Variants in LRP1B observed in about 807,000 individuals in gnomAD.
LRP1B encodes low-density lipoprotein receptor-related protein 1B.
In LRP1B, 217 loss-of-function variants were observed where a neutral mutation model predicts 556.6. That is an observed-to-expected ratio of 0.39 (90% CI 0.35 to 0.44). The LOEUF is 0.44. Among genes scored for constraint, LRP1B ranks in the 20% least tolerant of loss-of-function variants. The pLI is 1.00. For missense variants in LRP1B, 5,053 were observed against 5,620.8 expected, an observed-to-expected ratio of 0.90 and a Z score of 3.23; for synonymous variants, 2,047 against 1,865.8, an observed-to-expected ratio of 1.10 and a Z score of -2.50.
At chr2:141,488,211 G>T (rs1011422584) in intron 2 of LRP1B, among the ~76,000 whole-genome samples, 2 of 151,700 alleles carry the variant, frequency 1.3e-5, no homozygotes, top group African/African-American at 2.4e-5. Context: ...TTACAATATT[G>T]GGTAGCATAA....
chr2:141,857,321 C>G (rs1356143410), intron 1 of LRP1B, among the ~76,000 whole-genome samples: 2 of 151,844 alleles, frequency 1.3e-5, no homozygotes, highest in African/African-American at 4.8e-5. Context: ...TTCCTCCACT[C>G]TTTTCCCTCT....
At chr2:141,771,543 G>A (rs1459807453) in intron 2 of LRP1B, among the ~76,000 whole-genome samples, 7 of 152,086 alleles carry the variant, frequency 4.6e-5, no homozygotes, top group Non-Finnish European at 2.9e-5. Context: ...AAACAATCTG[G>A]AAATATAAAC....
chr2:140,545,551 C>A (rs922041115), intron 43 of LRP1B, among the ~76,000 whole-genome samples: 1 of 152,136 alleles, frequency 6.6e-6, no homozygotes, highest in Non-Finnish European at 1.5e-5. Flanking sequence ...GTCCTTTCCC[C>A]TTTGCTTGTT....
At chr2:140,859,166 T>C (rs1692711282) in intron 27 of LRP1B, among the ~76,000 whole-genome samples, 1 of 152,068 alleles carries the variant, frequency 6.6e-6, no homozygotes, top group African/African-American at 2.4e-5. Flanking sequence ...TTAAGCAACC[T>C]GCAAGTATTT....
chr2:140,522,731 A>G (rs1427561317), intron 49 of LRP1B, among the ~76,000 whole-genome samples: 1 of 151,966 alleles, frequency 6.6e-6, no homozygotes, highest in Non-Finnish European at 1.5e-5. Flanking sequence ...GACAAAGGCA[A>G]CATAACAACT....
intron 3 of LRP1B, among the ~76,000 whole-genome samples, chr2:141,367,836 A>T (rs1689100127): frequency 6.6e-6 from 1 of 152,126 alleles, no homozygotes; most frequent in East Asian, 1.9e-4. Context: ...TTCATTAAAT[A>T]TAAATATGAA....
At chr2:140,319,121 TTTTGGACACATAA>T (rs1684660856) in intron 82 of LRP1B, among the ~76,000 whole-genome samples, 1 of 152,014 alleles carries the variant, frequency 6.6e-6, no homozygotes, top group South Asian at 2.1e-4. Context: ...TAGAGTTTAG[TTTTGGACACATAA>T]TTTGGACCAA....
rs145016679 is a variant in LRP1B, at chr2:141,358,137, G to T, written c.344-103496C>A. Among the ~76,000 whole-genome samples the T allele has an allele frequency of 2.6e-3, 389 of 152,258 alleles. 1 individual carries two copies. The highest frequency in any genetic ancestry group is 8.9e-3 in the African/African-American group (369 of 41,538). On this transcript the variant is annotated intron_variant, in intron 3 of 90. Coordinates refer to ENST00000389484, the MANE Select transcript of LRP1B (RefSeq NM_018557.3). ...AAATGAATATTAAGTTAGAGAAATG[G>T]CAAATAAATTTATCTCCTACTCCAA...
intron 41 of LRP1B, among the ~76,000 whole-genome samples, chr2:140,662,404 T>C (rs1398763250): frequency 2.6e-5 from 4 of 152,058 alleles, no homozygotes; most frequent in Non-Finnish European, 5.9e-5. Context: ...AGTCTTCCTT[T>C]GGATGGAAGA....
intron 18 of LRP1B, 71 bp from the exon 19 acceptor site, chr2:140,952,011 G>T: frequency 9.2e-7 from 1 of 1,088,732 alleles, no homozygotes. Context: ...CGTATCATCT[G>T]ATAATGTGAT....
chr2:140,336,913 G>A (rs1291692914), intron 77 of LRP1B, among the ~76,000 whole-genome samples: 1 of 151,796 alleles, frequency 6.6e-6, no homozygotes, highest in East Asian at 1.9e-4. Flanking sequence ...GGGTATTATG[G>A]CAAGAGTAGA....
At chr2:140,944,117 G>A (rs1695476776) in intron 20 of LRP1B, among the ~76,000 whole-genome samples, 1 of 152,008 alleles carries the variant, frequency 6.6e-6, no homozygotes, top group African/African-American at 2.4e-5. Context: ...AAATGCAAAA[G>A]ACTCTCAGGG....
At chr2:141,241,032 A>C (rs1683850674) in intron 5 of LRP1B, among the ~76,000 whole-genome samples, 1 of 152,268 alleles carries the variant, frequency 6.6e-6, no homozygotes. Context: ...GCATAAAAAC[A>C]AAAACCAAAA....
intron 3 of LRP1B, among the ~76,000 whole-genome samples, chr2:141,416,781 C>T (rs1193108778): frequency 1.3e-5 from 2 of 152,066 alleles, no homozygotes; most frequent in African/African-American, 4.8e-5. Flanking sequence ...TTAAACAGTG[C>T]TCTGTGGAAT....
chr2:141,477,963 CAA>C (rs58642133), intron 3 of LRP1B, among the ~76,000 whole-genome samples: 148 of 147,258 alleles, frequency 1.0e-3, no homozygotes, highest in Admixed American at 2.1e-3. Context: ...CTCCTACTGG[CAA>C]AAAAAAAAAA....
At chr2:140,767,578 CAA>C (rs1461159699) in intron 35 of LRP1B, among the ~76,000 whole-genome samples, 1 of 151,600 alleles carries the variant, frequency 6.6e-6, no homozygotes, top group Non-Finnish European at 1.5e-5. Context: ...CCTTAAAAAG[CAA>C]AAGATTTCCT....
chr2:141,650,317 A>T (rs562575244), intron 2 of LRP1B, among the ~76,000 whole-genome samples: 1 of 152,286 alleles, frequency 6.6e-6, no homozygotes, highest in Admixed American at 6.5e-5. Context: ...CTTCTTTGTG[A>T]GTATGGTTTT....
intron 1 of LRP1B, among the ~76,000 whole-genome samples, chr2:141,888,930 T>C (rs1452866158): frequency 1.3e-5 from 2 of 152,258 alleles, no homozygotes; most frequent in East Asian, 3.9e-4. Flanking sequence ...TTCAGGGAGC[T>C]GGGGAGAACT....
chr2:141,430,416 T>TAAAAAATTTAAAAAAATTTAAAAAAA (rs1353099868), intron 3 of LRP1B, among the ~76,000 whole-genome samples: 1 of 152,170 alleles, frequency 6.6e-6, no homozygotes, highest in Non-Finnish European at 1.5e-5. Flanking sequence ...AGATCTAATT[T>TAAAAAATTTAAAAAAATTTAAAAAAA]TAAAATAATT....
Sources: gnomAD v4.1 joint callset for allele counts (sites outside exome capture counted in the v4.1 genomes callset) on GRCh38, gnomAD v4.1.1 for gene constraint, MANE v1.5 for transcripts, NCBI Gene and HGNC (gene_info 2026-07-23, HGNC 2026-07-21) for gene names.